DAB1: variants seen among roughly 807,000 people sequenced by gnomAD.
DAB1 encodes DAB adaptor protein 1.
Under a neutral mutation model 64.6 loss-of-function variants are expected in DAB1, and 15 were observed. The observed-to-expected ratio is 0.23, with a 90% CI of 0.16 to 0.36. The LOEUF (loss-of-function observed/expected upper bound fraction) is 0.36, where lower values mean the gene tolerates loss of function less well. Ranked by LOEUF, DAB1 falls within the 10% of genes least tolerant of loss-of-function variation. The pLI is 1.00. For synonymous variants in DAB1, 235 were observed against 251.9 expected (o/e 0.93, Z 0.64); for missense variants, 596 against 706.7 (o/e 0.84, Z 1.78).
At chr1:57,013,879 G>A (rs757183987) in intron 12 of DAB1, among the ~76,000 whole-genome samples, 11 of 152,164 alleles carry the variant, frequency 7.2e-5, no homozygotes, top group Non-Finnish European at 1.6e-4. Flanking sequence ...AGCTGGAGGA[G>A]ACTCACTGAA....
intron 6 of DAB1, among the ~76,000 whole-genome samples, chr1:57,731,655 A>G (rs1053199494): frequency 3.3e-5 from 5 of 152,048 alleles, no homozygotes; most frequent in East Asian, 1.9e-4. Context: ...ATATACAAAA[A>G]TTAGCCAGGC....
chr1:57,467,863 A>G (rs1333427668), intron 7 of DAB1, among the ~76,000 whole-genome samples: 2 of 152,222 alleles, frequency 1.3e-5, no homozygotes, highest in Admixed American at 1.3e-4. Context: ...ATTAAAAGAT[A>G]CAGATATACA....
chr1:57,452,706 G>A (rs1331435178), intron 7 of DAB1, among the ~76,000 whole-genome samples: 1 of 152,048 alleles, frequency 6.6e-6, no homozygotes, highest in African/African-American at 2.4e-5. Context: ...ATTTGGAACA[G>A]TTCATTCCAT....
At chr1:57,844,529 C>T (rs1005721188) in intron 1 of DAB1, among the ~76,000 whole-genome samples, 6 of 152,152 alleles carry the variant, frequency 3.9e-5, no homozygotes, top group Non-Finnish European at 7.4e-5. Flanking sequence ...AGCAGGAAGA[C>T]GTCTGCCAGA....
intron 2 of DAB1, among the ~76,000 whole-genome samples, chr1:57,154,262 G>T (rs1660000191): frequency 6.6e-6 from 1 of 152,038 alleles, no homozygotes; most frequent in South Asian, 2.1e-4. Flanking sequence ...TTGATTTTTA[G>T]ATCCCACAAA....
At chr1:57,540,230 C>G (rs1000744594) in intron 7 of DAB1, among the ~76,000 whole-genome samples, 1 of 152,086 alleles carries the variant, frequency 6.6e-6, no homozygotes, top group African/African-American at 2.4e-5. Context: ...AAATGCAAAT[C>G]AAAACCACAA....
intron 5 of DAB1, among the ~76,000 whole-genome samples, chr1:57,913,518 C>T (rs1644679662): frequency 6.6e-6 from 1 of 152,302 alleles, no homozygotes; most frequent in Admixed American, 6.5e-5. Flanking sequence ...CAATACCATT[C>T]AGGACATAGG....
chr1:58,056,436 G>A (rs763332505), intron 5 of DAB1: 101 of 1,545,460 alleles, frequency 6.5e-5, no homozygotes, highest in Non-Finnish European at 7.5e-5. Flanking sequence ...GCACGTGGCC[G>A]CGGCCCTTTT....
intron 2 of DAB1, among the ~76,000 whole-genome samples, chr1:57,181,000 C>T (rs922813552): frequency 6.6e-6 from 1 of 152,212 alleles, no homozygotes; most frequent in African/African-American, 2.4e-5. Flanking sequence ...GTGGCAAATG[C>T]TACTCACTAC....
chr1:58,133,281 T>C (rs370687155), intron 5 of DAB1, among the ~76,000 whole-genome samples: 12 of 152,306 alleles, frequency 7.9e-5, no homozygotes, highest in African/African-American at 2.9e-4. Context: ...AGAGGCTCCA[T>C]TTCCTTTACT....
chr1:58,371,324 T>A (rs980002307), intron 3 of DAB1, among the ~76,000 whole-genome samples: 1 of 152,072 alleles, frequency 6.6e-6, no homozygotes, highest in African/African-American at 2.4e-5. Context: ...GAGAGATGAT[T>A]AGGGTATCTG....
intron 3 of DAB1, among the ~76,000 whole-genome samples, chr1:58,441,033 A>C (rs939376864): frequency 6.6e-6 from 1 of 152,188 alleles, no homozygotes; most frequent in Non-Finnish European, 1.5e-5. Flanking sequence ...GAGTTGGGGC[A>C]TTTATACCCT....
intron 2 of DAB1, among the ~76,000 whole-genome samples, chr1:57,196,509 C>A (rs945459008): frequency 6.6e-6 from 1 of 152,212 alleles, no homozygotes; most frequent in Non-Finnish European, 1.5e-5. Context: ...AAGTCCCAGA[C>A]AGCATAATAG....
In DAB1 at chr1:58,287,532, C is replaced by A. The variant is rs559974470; in HGVS notation, n.309+55820G>T. 3.9e-5 allele frequency among the ~76,000 whole-genome samples: 6 copies of A among 151,964 alleles called. No individual in the cohort carries two copies. In the South Asian group the frequency reaches 1.3e-3, roughly 32 times the overall value. ...GGTTCGCAGTTGATACTGGCTGCTG[C>A]TCAGGAAGGGTCATCAACTAGGCAT... On this transcript the variant is annotated intron_variant and non_coding_transcript_variant, in intron 4 of 20. Transcript: ENST00000485760.
intron 7 of DAB1, among the ~76,000 whole-genome samples, chr1:57,648,380 C>T (rs2101651691): frequency 6.6e-6 from 1 of 152,240 alleles, no homozygotes; most frequent in South Asian, 2.1e-4. Context: ...ATCAGCTTAA[C>T]ATGTCAATAA....
intron 2 of DAB1, among the ~76,000 whole-genome samples, chr1:57,214,279 G>T (rs1666243266): frequency 6.6e-6 from 1 of 152,154 alleles, no homozygotes; most frequent in African/African-American, 2.4e-5. Context: ...TGAAGGAGAA[G>T]TCCTCATGGC....
chr1:57,104,633 G>A (rs929680653), intron 4 of DAB1, among the ~76,000 whole-genome samples: 2 of 152,154 alleles, frequency 1.3e-5, no homozygotes, highest in Non-Finnish European at 2.9e-5. Context: ...CTGAGTGAAC[G>A]TGTTGCCCAT....
chr1:58,298,779 A>G (rs890026492), intron 4 of DAB1, among the ~76,000 whole-genome samples: 2 of 152,224 alleles, frequency 1.3e-5, no homozygotes, highest in African/African-American at 4.8e-5. Flanking sequence ...AATGCCTTGC[A>G]TCACTGTCTC....
chr1:57,276,112 T>C (rs1671438008), intron 2 of DAB1, among the ~76,000 whole-genome samples: 1 of 152,250 alleles, frequency 6.6e-6, no homozygotes, highest in African/African-American at 2.4e-5. Flanking sequence ...CAGAATTAAA[T>C]ACACAGAAGG....
Sources: allele counts gnomAD v4.1 joint callset (sites outside exome capture counted in the v4.1 genomes callset), GRCh38; gene constraint gnomAD v4.1.1; transcripts MANE v1.5; gene names NCBI Gene and HGNC (gene_info 2026-07-23, HGNC 2026-07-21).